GRM8: variants seen among roughly 807,000 people sequenced by gnomAD.
GRM8 encodes metabotropic glutamate receptor 8.
In GRM8, 47 loss-of-function variants were observed where a neutral mutation model predicts 87.2. The ratio of observed to expected loss-of-function variants is 0.54; its 90% confidence interval spans 0.43 to 0.69. GRM8 has a LOEUF of 0.69. GRM8 is among the 30% of genes least tolerant of loss of function. The pLI is 0.00. For missense variants in GRM8, 1,019 were observed against 1,139.2 expected (o/e 0.89, Z 1.52); for synonymous variants, 396 against 404.5 (o/e 0.98, Z 0.25).
At chr7:127,083,248 G>C (rs1410224912) in intron 3 of GRM8, among the ~76,000 whole-genome samples, 2 of 151,818 alleles carry the variant, frequency 1.3e-5, no homozygotes, top group Non-Finnish European at 2.9e-5. Context: ...TATTCACCTA[G>C]GTGCCAAAGC....
At chr7:126,879,034 G>T (rs1400084801) in intron 6 of GRM8, among the ~76,000 whole-genome samples, 1 of 151,788 alleles carries the variant, frequency 6.6e-6, no homozygotes, top group African/African-American at 2.4e-5. Context: ...ACAGTGGCGG[G>T]CCCCTGTAAT....
intron 3 of GRM8, among the ~76,000 whole-genome samples, chr7:126,945,281 A>G (rs1807411112): frequency 6.6e-6 from 1 of 152,214 alleles, no homozygotes; most frequent in Admixed American, 6.5e-5. Context: ...TTCTTTATAA[A>G]AGGAAAATCT....
chr7:127,205,990 G>A (rs947940651), intron 2 of GRM8, among the ~76,000 whole-genome samples: 1 of 152,220 alleles, frequency 6.6e-6, no homozygotes, highest in African/African-American at 2.4e-5. Context: ...AAGAGCCACA[G>A]TCCACCTTGG....
intron 3 of GRM8, among the ~76,000 whole-genome samples, chr7:126,996,701 T>G (rs547916447): frequency 2.2e-4 from 34 of 152,074 alleles, no homozygotes; most frequent in African/African-American, 6.3e-4. Flanking sequence ...GAGACAACAT[T>G]GTTATACAAT....
intron 7 of GRM8, among the ~76,000 whole-genome samples, chr7:126,720,317 A>G (rs577744200): frequency 1.2e-4 from 18 of 150,972 alleles, no homozygotes; most frequent in Admixed American, 1.1e-3. Context: ...AATTTTTTAA[A>G]TTTTTTTTTG....
chr7:127,243,152 G>T lies in GRM8; in HGVS notation c.53C>A (p.Thr18Asn), dbSNP rs754550662. 6.2e-7 allele frequency: 1 copy of T among 1,613,492 alleles called. No individual in the cohort carries two copies. Among genetic ancestry groups the T allele is most frequent in the East Asian group, 2.2e-5 (1 of 44,870 alleles). ...TGTGAGGATCCAGTAGAACTTGGCG[G>T]TCAAGAGGAAGAAACAAGGGCAAGA... ...SASCPCFFLL[T>N]AKFYWILTMM... is the part of the protein sequence containing the mutation. The change falls in exon 2 of 11, where the codon ACC (threonine) becomes AAC (asparagine). Residue 18 changes from threonine (T) to asparagine (N), a missense_variant. Physicochemically the swap from Thr to Asn is moderately conservative, Grantham distance 65 (BLOSUM62 0). Coordinates refer to ENST00000339582, the MANE Select transcript of GRM8 (RefSeq NM_000845.3).
intron 2 of GRM8, among the ~76,000 whole-genome samples, chr7:127,117,367 G>A (rs1056507453): frequency 7.2e-5 from 11 of 152,158 alleles, no homozygotes; most frequent in Admixed American, 6.5e-4. Flanking sequence ...GTCCACCCCT[G>A]GAAACTCTGC....
At chr7:126,577,712 C>A (rs1795240051) in intron 8 of GRM8, among the ~76,000 whole-genome samples, 2 of 152,108 alleles carry the variant, frequency 1.3e-5, no homozygotes. Flanking sequence ...TCAGCAATGC[C>A]AAAAGATAAA....
At chr7:127,160,765 C>T (rs1324305034) in intron 2 of GRM8, among the ~76,000 whole-genome samples, 1 of 151,990 alleles carries the variant, frequency 6.6e-6, no homozygotes, top group African/African-American at 2.4e-5. Flanking sequence ...AGTGGGGACG[C>T]CTCCAGGGAT....
At chr7:126,653,310 AAAAAAAG>A (rs972999104) in intron 7 of GRM8, among the ~76,000 whole-genome samples, 1 of 151,270 alleles carries the variant, frequency 6.6e-6, no homozygotes, top group Non-Finnish European at 1.5e-5. Context: ...CAAAAAAAAA[AAAAAAAG>A]GCAAGGAGAG....
intron 7 of GRM8, among the ~76,000 whole-genome samples, chr7:126,683,161 C>G (rs745740977): frequency 6.6e-6 from 1 of 152,214 alleles, no homozygotes; most frequent in Non-Finnish European, 1.5e-5. Flanking sequence ...GAAACCTGCG[C>G]AAGTGAGAAA....
chr7:126,811,167 T>C (rs150690101), intron 6 of GRM8, among the ~76,000 whole-genome samples: 137 of 152,260 alleles, frequency 9.0e-4, no homozygotes, highest in African/African-American at 3.2e-3. Flanking sequence ...TTGTCAAAGA[T>C]TGATTGGCTG....
At chr7:126,594,389 T>C (rs1237720545) in intron 8 of GRM8, among the ~76,000 whole-genome samples, 1 of 152,038 alleles carries the variant, frequency 6.6e-6, no homozygotes, top group East Asian at 1.9e-4. Flanking sequence ...ATATACATAA[T>C]GGAATACTGT....
chr7:127,244,850 C>T (rs1025746947), intron 1 of GRM8, among the ~76,000 whole-genome samples: 2 of 152,190 alleles, frequency 1.3e-5, no homozygotes, highest in African/African-American at 4.8e-5. Flanking sequence ...CAGCCCACTG[C>T]CCCATATTTC....
chr7:126,539,346 C>G (rs1189571618), intron 8 of GRM8, among the ~76,000 whole-genome samples: 3 of 151,872 alleles, frequency 2.0e-5, no homozygotes, highest in African/African-American at 7.2e-5. Context: ...TTTACTATTG[C>G]TAAGATAGCA....
intron 7 of GRM8, among the ~76,000 whole-genome samples, chr7:126,727,184 A>G (rs1813087974): frequency 6.6e-6 from 1 of 151,886 alleles, no homozygotes; most frequent in South Asian, 2.1e-4. Flanking sequence ...ATATTAATAT[A>G]TATCAATATA....
At chr7:127,086,011 G>C (rs533991507) in intron 3 of GRM8, among the ~76,000 whole-genome samples, 1 of 152,176 alleles carries the variant, frequency 6.6e-6, no homozygotes, top group Non-Finnish European at 1.5e-5. Flanking sequence ...ATTGTCAATA[G>C]AGCGGGCCCT....
chr7:126,664,147 C>T (rs1805511377), intron 7 of GRM8, among the ~76,000 whole-genome samples: 1 of 151,892 alleles, frequency 6.6e-6, no homozygotes, highest in Non-Finnish European at 1.5e-5. Flanking sequence ...ATGACACAAA[C>T]AAAACAAAAA....
intron 5 of GRM8, among the ~76,000 whole-genome samples, chr7:126,903,420 T>C (rs1305478915): frequency 1.3e-5 from 2 of 151,710 alleles, no homozygotes; most frequent in Non-Finnish European, 1.5e-5. Context: ...AAATCAAGCA[T>C]TTCCCTCCAA....
Sources: gnomAD v4.1 joint callset for allele counts (sites outside exome capture counted in the v4.1 genomes callset) on GRCh38, gnomAD v4.1.1 for gene constraint, MANE v1.5 for transcripts, NCBI Gene and HGNC (gene_info 2026-07-23, HGNC 2026-07-21) for gene names.